The following ALK variants were observed in gnomAD, a reference collection of about 807,000 sequenced individuals.
ALK encodes the protein ALK receptor tyrosine kinase.
In ALK, 74 loss-of-function variants were observed where a neutral mutation model predicts 163.1. That is an observed-to-expected ratio of 0.45 (90% CI 0.38 to 0.55). The LOEUF (loss-of-function observed/expected upper bound fraction) is 0.55. Among genes scored for constraint, ALK ranks in the 20% least tolerant of loss-of-function variants. ALK has a pLI of 0.00. For synonymous variants in ALK, 960 were observed against 843.2 expected (o/e 1.14, Z -2.40); for missense variants, 2,063 against 2,105.3 (o/e 0.98, Z 0.39).
At chr2:29,851,201 G>T (rs1157398766) in intron 1 of ALK, among the ~76,000 whole-genome samples, 4 of 152,204 alleles carry the variant, frequency 2.6e-5, no homozygotes, top group Admixed American at 2.6e-4. Context: ...ACAATAGCAT[G>T]TTATTGACAG....
rs186188933 is a variant in ALK at position 29,631,505 on chromosome 2, G to C, written c.952+63345C>G. Among the ~76,000 whole-genome samples the C allele has an allele frequency of 4.2e-3, 641 of 152,340 alleles. 1 individual carries two copies. Among genetic ancestry groups the C allele is most frequent in the Non-Finnish European group, 7.4e-3 (504 of 68,036 alleles). ...GTGCATTCCTGCAGCAGCTGGCAGG[G>C]CTGCTGACACAGGACTGGAACAGGA... On this transcript the variant is annotated intron_variant, in intron 3 of 28. Coordinates refer to ENST00000389048, the MANE Select transcript of ALK (RefSeq NM_004304.5).
At chr2:29,209,117 C>T (rs574640608) in intron 25 of ALK, among the ~76,000 whole-genome samples, 19 of 122,054 alleles carry the variant, frequency 1.6e-4, no homozygotes, top group African/African-American at 6.9e-4. Context: ...CTTAGAATTC[C>T]TGAGTACTGA....
At chr2:29,788,778 G>A (rs1019865951) in intron 1 of ALK, among the ~76,000 whole-genome samples, 1 of 152,206 alleles carries the variant, frequency 6.6e-6, no homozygotes, top group African/African-American at 2.4e-5. Context: ...AGGAACAAGA[G>A]CCAAGGGACC....
chr2:29,559,814 C>T (rs1673973048), intron 3 of ALK, among the ~76,000 whole-genome samples: 1 of 119,204 alleles, frequency 8.4e-6, no homozygotes, highest in Non-Finnish European at 1.9e-5. Context: ...TTAGTTCACA[C>T]ATTATCCTGA....
intron 1 of ALK, among the ~76,000 whole-genome samples, chr2:29,911,318 T>C (rs1220828774): frequency 6.6e-6 from 1 of 152,222 alleles, no homozygotes; most frequent in Non-Finnish European, 1.5e-5. Flanking sequence ...GCATAGCTGC[T>C]GATAGAAACC....
chr2:29,488,500 A>G (rs1394802762), intron 4 of ALK, among the ~76,000 whole-genome samples: 4 of 152,162 alleles, frequency 2.6e-5, no homozygotes, highest in Admixed American at 1.3e-4. Flanking sequence ...ATGGCATTGG[A>G]GTGGTAGGAT....
intron 3 of ALK, among the ~76,000 whole-genome samples, chr2:29,576,689 C>T (rs1363169792): frequency 1.3e-5 from 2 of 152,184 alleles, no homozygotes; most frequent in East Asian, 3.9e-4. Flanking sequence ...TCTGTATTTA[C>T]AGCCAGTCCC....
chr2:29,399,702 T>C (rs1287216954), intron 4 of ALK, among the ~76,000 whole-genome samples: 1 of 152,090 alleles, frequency 6.6e-6, no homozygotes, highest in African/African-American at 2.4e-5. Context: ...ACCGGTGATG[T>C]CTCTTCCGTT....
chr2:29,768,492 T>C (rs927378523), intron 1 of ALK, among the ~76,000 whole-genome samples: 3 of 152,022 alleles, frequency 2.0e-5, no homozygotes, highest in Non-Finnish European at 4.4e-5. Flanking sequence ...GATGTCAAAA[T>C]ACAAGTAAAA....
At chr2:29,585,569 C>T (rs944706764) in intron 3 of ALK, among the ~76,000 whole-genome samples, 1 of 152,148 alleles carries the variant, frequency 6.6e-6, no homozygotes, top group Non-Finnish European at 1.5e-5. Flanking sequence ...CTCAGGTGAT[C>T]CACCTGCCTC....
At chr2:29,208,735 C>T (rs545002408) in intron 25 of ALK, among the ~76,000 whole-genome samples, 14 of 152,148 alleles carry the variant, frequency 9.2e-5, no homozygotes, top group Middle Eastern at 3.4e-3. Flanking sequence ...CTCCATATAA[C>T]GATTGCTCCT....
At chr2:29,805,903 T>C in intron 1 of ALK, among the ~76,000 whole-genome samples, 1 of 152,266 alleles carries the variant, frequency 6.6e-6, no homozygotes, top group African/African-American at 2.4e-5. Flanking sequence ...ACTATCTTCA[T>C]ATTGCTGGGC....
chr2:29,443,645 AG>A (rs1488182617), intron 4 of ALK, among the ~76,000 whole-genome samples: 7 of 152,144 alleles, frequency 4.6e-5, no homozygotes, highest in African/African-American at 1.7e-4. Context: ...TGAGGCCCTC[AG>A]GATGGTTGGA....
chr2:29,218,647 G>A (rs1001261413), intron 23 of ALK, among the ~76,000 whole-genome samples: 15 of 152,190 alleles, frequency 9.9e-5, no homozygotes, highest in Non-Finnish European at 1.5e-5. Flanking sequence ...CCTTGAACTT[G>A]CCAAGTGCTG....
chr2:29,536,989 T>G (rs1673274844), intron 3 of ALK, among the ~76,000 whole-genome samples: 1 of 152,216 alleles, frequency 6.6e-6, no homozygotes, highest in African/African-American at 2.4e-5. Flanking sequence ...GTCTAGCTGC[T>G]TCTAACAGTC....
chr2:29,574,217 A>T (rs945434709), intron 3 of ALK, among the ~76,000 whole-genome samples: 1 of 152,218 alleles, frequency 6.6e-6, no homozygotes, highest in African/African-American at 2.4e-5. Flanking sequence ...CAGCTGTGCA[A>T]AAAAGATTTG....
intron 3 of ALK, among the ~76,000 whole-genome samples, chr2:29,566,635 A>C (rs947837045): frequency 6.6e-6 from 1 of 152,246 alleles, no homozygotes; most frequent in East Asian, 1.9e-4. Context: ...AGCCTCAGCA[A>C]TTAAAACCCA....
At chr2:29,691,747 G>A (rs1678403806) in intron 3 of ALK, among the ~76,000 whole-genome samples, 1 of 152,056 alleles carries the variant, frequency 6.6e-6, no homozygotes, top group Non-Finnish European at 1.5e-5. Flanking sequence ...GCGCATGTCA[G>A]CGATCACAGG....
chr2:29,907,751 T>A (rs1667588985), intron 1 of ALK, among the ~76,000 whole-genome samples: 1 of 152,150 alleles, frequency 6.6e-6, no homozygotes, highest in Non-Finnish European at 1.5e-5. Flanking sequence ...CACATCGATA[T>A]CTTCAGCCTT....
Sources: gnomAD v4.1 joint callset for allele counts (sites outside exome capture counted in the v4.1 genomes callset) on GRCh38, gnomAD v4.1.1 for gene constraint, MANE v1.5 for transcripts, NCBI Gene and HGNC (gene_info 2026-07-23, HGNC 2026-07-21) for gene names.